Variants in SLC25A48 observed in about 807,000 individuals in gnomAD.
The protein encoded by SLC25A48 is solute carrier family 25 member 48, also known as CTC-321K16.1.
A neutral mutation model predicts 32.2 loss-of-function variants in SLC25A48; 29 were observed. The observed-to-expected ratio is 0.90, with a 90% CI of 0.67 to 1.23. The LOEUF is 1.23. Ranked by LOEUF, SLC25A48 falls within the 50% of genes most tolerant of loss-of-function variation. The pLI, the probability that SLC25A48 is intolerant of heterozygous loss-of-function variation, is 0.00. For synonymous variants in SLC25A48, 164 were observed against 172.3 expected, an observed-to-expected ratio of 0.95 and a Z score of 0.38; for missense variants, 399 against 422.7, an observed-to-expected ratio of 0.94 and a Z score of 0.49.
At chr5:135,861,832 A>T (rs1255268923) in intron 4 of SLC25A48, among the ~76,000 whole-genome samples, 1 of 152,240 alleles carries the variant, frequency 6.6e-6, no homozygotes, top group Non-Finnish European at 1.5e-5. Flanking sequence ...TTACCAAATC[A>T]TATAAGCAGT....
chr5:135,853,855 T>C (rs1760095379), intron 4 of SLC25A48, among the ~76,000 whole-genome samples: 1 of 152,190 alleles, frequency 6.6e-6, no homozygotes, highest in Non-Finnish European at 1.5e-5. Flanking sequence ...GAAAAATGAC[T>C]ATCTATGGCA....
intron 3 of SLC25A48, among the ~76,000 whole-genome samples, chr5:135,700,550 C>T (rs890679753): frequency 3.3e-5 from 5 of 152,122 alleles, no homozygotes; most frequent in African/African-American, 4.8e-5. Context: ...TGGGAGAGGC[C>T]CCCACGGGCA....
chr5:135,786,111 T>C (rs1433663195), intron 3 of SLC25A48, among the ~76,000 whole-genome samples: 2 of 149,138 alleles, frequency 1.3e-5, no homozygotes, highest in Non-Finnish European at 3.0e-5. Context: ...GTGATATTAC[T>C]CCCCATGAGC....
chr5:135,869,269 C>T (rs1761458076), intron 4 of SLC25A48, among the ~76,000 whole-genome samples: 2 of 152,108 alleles, frequency 1.3e-5, no homozygotes, highest in Admixed American at 1.3e-4. Context: ...GGAGCTGTGT[C>T]AGTATCCTGG....
intron 3 of SLC25A48, among the ~76,000 whole-genome samples, chr5:135,808,918 CA>C (rs780775801): frequency 6.6e-6 from 1 of 152,114 alleles, no homozygotes; most frequent in Non-Finnish European, 1.5e-5. Flanking sequence ...GAAGAAGCCC[CA>C]CAAATCAAGT....
chr5:135,741,890 C>A (rs62364633), intron 3 of SLC25A48, among the ~76,000 whole-genome samples: 1 of 152,088 alleles, frequency 6.6e-6, no homozygotes, highest in Non-Finnish European at 1.5e-5. Flanking sequence ...GAAAAAGAAG[C>A]GTGAATGTAA....
At chr5:135,855,434 T>C (rs1760232999) in intron 4 of SLC25A48, among the ~76,000 whole-genome samples, 1 of 152,212 alleles carries the variant, frequency 6.6e-6, no homozygotes, top group South Asian at 2.1e-4. Context: ...TCATAATTCA[T>C]CTTGTAACAA....
intron 3 of SLC25A48, among the ~76,000 whole-genome samples, chr5:135,696,516 T>G (rs1317924741): frequency 6.6e-6 from 1 of 152,120 alleles, no homozygotes; most frequent in Non-Finnish European, 1.5e-5. Context: ...AATGAATGAA[T>G]GAATGAATGA....
chr5:135,625,295 C>T (rs1197728890), intron 1 of SLC25A48, among the ~76,000 whole-genome samples: 3 of 152,024 alleles, frequency 2.0e-5, no homozygotes, highest in Non-Finnish European at 4.4e-5. Context: ...CAGAGAGCCT[C>T]CACTGTGTGC....
chr5:135,771,432 T>C (rs917786123), intron 3 of SLC25A48, among the ~76,000 whole-genome samples: 10 of 151,674 alleles, frequency 6.6e-5, no homozygotes, highest in African/African-American at 2.4e-4. Flanking sequence ...TTCGTATTAT[T>C]CAGAAGGGGC....
At chr5:135,877,718 C>T (rs1013003388) in intron 6 of SLC25A48, among the ~76,000 whole-genome samples, 5 of 152,146 alleles carry the variant, frequency 3.3e-5, no homozygotes, top group African/African-American at 9.7e-5. Context: ...TGTTATCTGT[C>T]CTTCCTGACA....
At chr5:135,846,545 CCT>C (rs747623385) in intron 2 of SLC25A48, among the ~76,000 whole-genome samples, 2 of 152,190 alleles carry the variant, frequency 1.3e-5, no homozygotes, top group Non-Finnish European at 2.9e-5. Context: ...AGCCACCTCA[CCT>C]CTGACACTGA....
intron 4 of SLC25A48, among the ~76,000 whole-genome samples, chr5:135,864,613 A>T (rs1761053000): frequency 6.6e-6 from 1 of 152,192 alleles, no homozygotes; most frequent in African/African-American, 2.4e-5. Flanking sequence ...CCCAGGAGTG[A>T]AGGGAGGAGG....
chr5:135,766,493 G>C (rs931360612), intron 3 of SLC25A48, among the ~76,000 whole-genome samples: 1 of 151,130 alleles, frequency 6.6e-6, no homozygotes, highest in Non-Finnish European at 1.5e-5. Context: ...ATAATATCCA[G>C]GGGGGAGAGG....
chr5:135,599,987 A>C (rs1016704003), intron 1 of SLC25A48, among the ~76,000 whole-genome samples: 1 of 151,952 alleles, frequency 6.6e-6, no homozygotes, highest in East Asian at 1.9e-4. Context: ...AAAAAAAAAA[A>C]CATTTGTATT....
At chr5:135,781,857 A>G (rs1756722827) in intron 3 of SLC25A48, among the ~76,000 whole-genome samples, 1 of 114,564 alleles carries the variant, frequency 8.7e-6, no homozygotes, top group African/African-American at 2.6e-5. Context: ...GGAGAATATA[A>G]TCTAATTCTA....
At chr5:135,714,483 C>A (rs1220450815) in intron 3 of SLC25A48, among the ~76,000 whole-genome samples, 1 of 152,202 alleles carries the variant, frequency 6.6e-6, no homozygotes, top group Non-Finnish European at 1.5e-5. Context: ...CTCCACCCAC[C>A]ATGTCGGGCT....
intron 3 of SLC25A48, chr5:135,742,577 A>T (rs769248906): frequency 2.5e-6 from 3 of 1,214,370 alleles, no homozygotes; most frequent in Non-Finnish European, 3.6e-6. Context: ...TTTCTCTTTG[A>T]TTTCCTCTAT....
Position 135,871,570 on chromosome 5 carries a change from A to T in SLC25A48, c.531A>T (p.Leu177=). The T allele has an allele frequency of 6.2e-7, 1 of 1,614,186 alleles. No homozygotes were observed. Among genetic ancestry groups the T allele is most frequent in the East Asian group, 2.2e-5 (1 of 44,878 alleles). ...TIVRNEGLAG[L]YRGASAMLLR... is the part of the protein sequence containing the mutation. Reference sequence around the variant, plus strand: ...TGAGGAATGAGGGCCTGGCGGGGCTATACCGGGGGGCCAGTGCCATGCTGC... The same window carrying T: ...TGAGGAATGAGGGCCTGGCGGGGCTTTACCGGGGGGCCAGTGCCATGCTGC... The change falls in exon 5 of 8, where the codon CTA becomes CTT. Residue 177 remains leucine (L), a synonymous_variant. Transcript: ENST00000681962.
Sources: allele counts gnomAD v4.1 joint callset (sites outside exome capture counted in the v4.1 genomes callset), GRCh38; gene constraint gnomAD v4.1.1; transcripts MANE v1.5; gene names NCBI Gene and HGNC (gene_info 2026-07-23, HGNC 2026-07-21).